The following DNAJC19 variants were observed in gnomAD, a reference collection of about 807,000 sequenced individuals.
DNAJC19 encodes DnaJ heat shock protein family (Hsp40) member C19.
DNAJC19 carries 15 observed loss-of-function variants against 19.8 expected under a neutral mutation model. The observed-to-expected ratio is 0.76, with a 90% CI of 0.51 to 1.17. The LOEUF is 1.17. Ranked by LOEUF, DNAJC19 falls within the 50% of genes most tolerant of loss-of-function variation. DNAJC19 has a pLI of 0.00. For synonymous variants in DNAJC19, 38 were observed against 42.1 expected (o/e 0.90, Z 0.38); for missense variants, 105 against 140.9 (o/e 0.75, Z 1.29).
chr3:180,989,007 C>CA (rs10585461), intron 1 of DNAJC19, among the ~76,000 whole-genome samples: 5,765 of 127,702 alleles, frequency 0.045, 335 homozygotes, highest in African/African-American at 0.14. Context: ...GACTCTGTCT[C>CA]AAAAAAAAAA....
Position 180,986,950 on chromosome 3 carries a change from C to T in DNAJC19, c.202G>A (p.Gly68Ser), listed in dbSNP as rs754317673. The T allele has an allele frequency of 2.2e-5, 35 of 1,613,122 alleles. No individual in the cohort carries two copies. In the Admixed American group the frequency reaches 4.5e-4, roughly 21 times the overall value. ...TATTAGAGATTATTTTACCTTACAC[C>T]TAGTATTAATGCTGCTTCCCGTTTT... ...MTKREAALILGVSPTANKGKI... is the reference protein window; with the variant it reads ...MTKREAALILSVSPTANKGKI... Residue 68 changes from glycine to serine, a missense_variant, in exon 4 of 6, where the codon GGT becomes AGT. Coordinates refer to ENST00000382564, the MANE Select transcript of DNAJC19 (RefSeq NM_145261.4).
intron 5 of DNAJC19, chr3:180,985,670 G>A (rs920456854): frequency 9.4e-6 from 4 of 426,388 alleles, no homozygotes; most frequent in Admixed American, 3.8e-5. Context: ...GAAATTTAAC[G>A]TTTTAATTAT....
intron 2 of DNAJC19, 31 bp from the exon 3 acceptor site, chr3:180,988,127 T>G: frequency 6.2e-7 from 1 of 1,614,144 alleles, no homozygotes; most frequent in Non-Finnish European, 8.5e-7. Context: ...ATAAGTAAAC[T>G]AAATCTCCAA....
rs763026371 is a variant in DNAJC19, at chr3:180,984,536, G to C, written c.*104C>G. On this transcript the variant is annotated 3_prime_UTR_variant, in exon 6 of 6. Coordinates refer to ENST00000382564, the MANE Select transcript of DNAJC19 (RefSeq NM_145261.4). The stretch of plus-strand genomic sequence containing the variant: ...ACCAAGGCTTTGAGATTTAGCTTGT[G>C]CTAAATCATTTTTTAAAATTGTAGC... 1 of 790,922 alleles carries C rather than the reference G, an allele frequency of 1.3e-6. No individual in the cohort carries two copies. The highest frequency in any genetic ancestry group is 1.7e-5 in the African/African-American group (1 of 57,324). 49.0% of individuals were successfully genotyped at this position (790,922 alleles called of 1,614,324 possible). A position where few individuals can be genotyped will look rare whatever the true frequency, so the allele number is the denominator to read the frequency against.
intron 1 of DNAJC19, chr3:180,989,336 C>CAGG: frequency 1.6e-5 from 22 of 1,419,074 alleles, no homozygotes; most frequent in Non-Finnish European, 1.9e-5. Flanking sequence ...TCTGACCTTA[C>CAGG]AGGAGTTCCA....
At position 180,984,419 on chromosome 3, in the gene DNAJC19, A is replaced by G. The variant is rs922592862; in HGVS notation, c.*221T>C. On this transcript the variant is annotated 3_prime_UTR_variant, in exon 6 of 6. Transcript: ENST00000382564. ...TAAATGAGTAATGAACAATATTTCT[A>G]TTCAGAAGGTGTGTGCTTGCCCATA... is the stretch of plus-strand genomic sequence containing the variant. The G allele has an allele frequency of 2.3e-5, 13 of 563,508 alleles. No homozygotes were observed. The highest frequency in any genetic ancestry group is 3.7e-5 in the Non-Finnish European group (11 of 293,532). The allele number at this position is 563,508 out of a possible 1,614,324, so 34.9% of individuals were successfully genotyped here. A position where few individuals can be genotyped will look rare whatever the true frequency, so the allele number is the denominator to read the frequency against.
At chr3:180,985,731 C>T (rs1051385763) in intron 5 of DNAJC19, 195 bp downstream of exon 5, 11 of 590,880 alleles carry the variant, frequency 1.9e-5, no homozygotes, top group Admixed American at 1.7e-4. Flanking sequence ...GTAGCACTTA[C>T]ATCTGCTCAT....
Position 180,988,007 on chromosome 3 carries a change from ATT to A in DNAJC19, c.129+14_129+15del, listed in dbSNP as rs1714997004. ...AGGTTTCAAATAGAAGCAGCAAAGA[ATT>A]AACAAAGTCTTACAGATTTTGGTAG... On this transcript the variant is annotated intron_variant, in intron 3 of 5. Coordinates refer to ENST00000382564, the MANE Select transcript of DNAJC19 (RefSeq NM_145261.4). 1 of 1,613,972 alleles carries A rather than the reference ATT, an allele frequency of 6.2e-7. No homozygotes were observed. Among genetic ancestry groups the A allele is most frequent in the East Asian group, 2.2e-5 (1 of 44,878 alleles).
intron 5 of DNAJC19, chr3:180,985,280 A>G (rs1346643768): frequency 6.5e-6 from 1 of 153,764 alleles, no homozygotes; most frequent in African/African-American, 2.4e-5. Flanking sequence ...AAGAAATAAC[A>G]GGAAATTTAG....
chr3:180,984,779 C>T (rs1714814373), intron 5 of DNAJC19, 69 bp from the exon 6 acceptor site: 2 of 1,209,352 alleles, frequency 1.7e-6, no homozygotes, highest in South Asian at 1.3e-5. Context: ...AAAAGCTACT[C>T]TTGTTTCAAG....
At position 180,989,677 on chromosome 3, in the gene DNAJC19, A is replaced by G; in HGVS notation, c.-75T>C. The stretch of plus-strand genomic sequence containing the variant: ...CTCAGAGGCCGCGGCCAACACCTGC[A>G]CGCCTTTACCAGAGAGCGACGCAAC... On this transcript the variant is annotated 5_prime_UTR_variant, in exon 1 of 6. Transcript: ENST00000382564. 1 of 1,557,888 alleles carries G rather than the reference A, an allele frequency of 6.4e-7. No homozygotes were observed. The highest frequency in any genetic ancestry group is 8.7e-7 in the Non-Finnish European group (1 of 1,151,586).
Position 180,985,944 on chromosome 3 carries a change from A to C in DNAJC19, c.262T>G (p.Leu88Val). 1 of 1,613,708 alleles carries C rather than the reference A, an allele frequency of 6.2e-7. No homozygotes were observed. The highest frequency in any genetic ancestry group is 1.3e-5 in the African/African-American group (1 of 75,056). Residue 88 changes from leucine (L) to valine (V), a missense_variant, in exon 5 of 6, where the codon TTA (leucine) becomes GTA (valine). By Grantham distance (32) the Leu-to-Val change is conservative. Coordinates refer to ENST00000382564, the MANE Select transcript of DNAJC19 (RefSeq NM_145261.4). ...IRDAHRRIML[L>V]NHPDKGGSPY... The stretch of plus-strand genomic sequence containing the variant: ...TACTTACCTTTGTCAGGATGATTTA[A>C]AAGCATAATTCGTCGATGAGCATCT...
chr3:180,989,347 G>A, intron 1 of DNAJC19: 3 of 1,421,870 alleles, frequency 2.1e-6, no homozygotes, highest in African/African-American at 2.9e-5. Context: ...AGGAGTTCCA[G>A]GCAAGCAACA....
Position 180,984,389 on chromosome 3 carries a change from T to C in DNAJC19, c.*251A>G, listed in dbSNP as rs1367089449. 1.9e-6 allele frequency: 1 copy of C among 514,648 alleles called. No individual in the cohort carries two copies. Among genetic ancestry groups the C allele is most frequent in the Non-Finnish European group, 3.8e-6 (1 of 264,946 alleles). The allele number at this position is 514,648 out of a possible 1,614,324, so 31.9% of individuals were successfully genotyped here. A position where few individuals can be genotyped will look rare whatever the true frequency, so the allele number is the denominator to read the frequency against. ...AAAAGTAGACATAGGTCCCAAATTA[T>C]CTGCTAAATGAGTAATGAACAATAT... On this transcript the variant is annotated 3_prime_UTR_variant, in exon 6 of 6. Transcript: ENST00000382564.
At chr3:180,989,737 G>T (rs186253120), upstream of DNAJC19, 193 of 1,439,610 alleles carry the variant, frequency 1.3e-4, 2 homozygotes, top group African/African-American at 2.5e-3. Flanking sequence ...TACGCAACAC[G>T]GCAGGAGCAG....
intron 4 of DNAJC19, 92 bp downstream of exon 4, chr3:180,986,851 C>G: frequency 9.7e-7 from 1 of 1,033,936 alleles, no homozygotes; most frequent in Admixed American, 1.7e-5. Flanking sequence ...CCCCCATGAC[C>G]CTCTCCTATT....
chr3:180,986,250 T>C (rs1025705061), intron 4 of DNAJC19, among the ~76,000 whole-genome samples: 3 of 151,924 alleles, frequency 2.0e-5, no homozygotes, highest in Non-Finnish European at 2.9e-5. Flanking sequence ...AAGAAACGCA[T>C]GTTTAAGGAT....
intron 5 of DNAJC19, among the ~76,000 whole-genome samples, chr3:180,985,029 G>A (rs1714828119): frequency 6.6e-6 from 1 of 152,048 alleles, no homozygotes; most frequent in Non-Finnish European, 1.5e-5. Flanking sequence ...TTGAACTGGT[G>A]TTAGCCTATT....
chr3:180,985,817 A>G lies in DNAJC19; in HGVS notation c.280+109T>C, dbSNP rs541689307. ...GGCTCCAGCCTAGGAGACAGGACTTACAGATTTAAGTGTTACCTTTCTAAT... is the reference window on the plus strand; with the variant it reads ...GGCTCCAGCCTAGGAGACAGGACTTGCAGATTTAAGTGTTACCTTTCTAAT... On this transcript the variant is annotated intron_variant, in intron 5 of 5. Coordinates refer to ENST00000382564, the MANE Select transcript of DNAJC19 (RefSeq NM_145261.4). 8.5e-6 allele frequency: 8 copies of G among 946,336 alleles called. No homozygotes were observed. In the East Asian group the frequency reaches 2.0e-4, roughly 24 times the overall value. 58.6% of individuals were successfully genotyped at this position (946,336 alleles called of 1,614,324 possible).
Sources: allele counts gnomAD v4.1 joint callset (sites outside exome capture counted in the v4.1 genomes callset), GRCh38; gene constraint gnomAD v4.1.1; transcripts MANE v1.5; gene names NCBI Gene and HGNC (gene_info 2026-07-23, HGNC 2026-07-21).